Variants in EIF4G3 observed in about 807,000 individuals in gnomAD.
The protein encoded by EIF4G3 is eIF-4-gamma 3.
EIF4G3 carries 34 observed loss-of-function variants against 186.4 expected under a neutral mutation model. The ratio of observed to expected loss-of-function variants is 0.18; its 90% CI spans 0.14 to 0.24. The LOEUF (loss-of-function observed/expected upper bound fraction) is 0.24. Ranked by LOEUF, EIF4G3 falls within the 10% of genes least tolerant of loss-of-function variation. The pLI is 1.00. For synonymous variants in EIF4G3, 673 were observed against 679.5 expected, an observed-to-expected ratio of 0.99 and a Z score of 0.15; for missense variants, 1,536 against 1,948.5, an observed-to-expected ratio of 0.79 and a Z score of 3.99.
intron 2 of EIF4G3, among the ~76,000 whole-genome samples, chr1:21,136,648 TGTTA>T (rs1437586306): frequency 1.3e-5 from 2 of 152,232 alleles, no homozygotes; most frequent in African/African-American, 4.8e-5. Flanking sequence ...TACCCACACT[TGTTA>T]GTAGAGTAAC....
intron 4 of EIF4G3, among the ~76,000 whole-genome samples, chr1:21,046,559 G>A (rs1367605449): frequency 6.6e-6 from 1 of 152,040 alleles, no homozygotes; most frequent in African/African-American, 2.4e-5. Context: ...GTAGATTGAG[G>A]GTCAAACATT....
At chr1:21,030,437 T>C (rs4654896) in intron 4 of EIF4G3, among the ~76,000 whole-genome samples, 56,273 of 152,028 alleles carry the variant, frequency 0.37, 11,031 homozygotes, top group Non-Finnish European at 0.43. Context: ...CTGCCATCCA[T>C]GTAAGATGTG....
At chr1:20,880,970 G>C (rs999443488) in intron 19 of EIF4G3, among the ~76,000 whole-genome samples, 1 of 152,006 alleles carries the variant, frequency 6.6e-6, no homozygotes, top group African/African-American at 2.4e-5. Context: ...ACAAGGAGCT[G>C]ATTCTAAAAT....
rs373343482 is a variant in EIF4G3 at position 20,910,664 on chromosome 1, T to C, written c.1664-5693A>G. ...AATCCACATAAGGATAAAATTAAAC[T>C]GGTCAAGTTTCACATCTACTGTCAA... On this transcript the variant is annotated intron_variant, in intron 14 of 36. Coordinates refer to ENST00000602326, the MANE Select transcript of EIF4G3 (RefSeq NM_001391906.1). Among the ~76,000 whole-genome samples, 4 of 152,286 alleles carry C rather than the reference T, an allele frequency of 2.6e-5. No individual in the cohort carries two copies. The South Asian group carries it at 6.2e-4, about 24-fold the overall frequency.
chr1:20,815,709 T>C (rs1484214311), intron 34 of EIF4G3, among the ~76,000 whole-genome samples: 1 of 132,392 alleles, frequency 7.6e-6, no homozygotes, highest in African/African-American at 2.9e-5. Context: ...GGGGATCCTC[T>C]GCCCGGCCGC....
intron 32 of EIF4G3, 77 bp downstream of exon 32, chr1:20,827,540 T>G: frequency 2.3e-6 from 2 of 880,748 alleles, no homozygotes; most frequent in Non-Finnish European, 1.8e-6. Context: ...ACCTAAGCTA[T>G]TCACAGATAA....
intron 2 of EIF4G3, among the ~76,000 whole-genome samples, chr1:21,131,284 G>GT (rs1438918471): frequency 7.6e-5 from 11 of 145,068 alleles, no homozygotes; most frequent in Admixed American, 2.1e-4. Flanking sequence ...ACATTAAGAT[G>GT]TATCAACAGA....
At chr1:20,884,482 G>C (rs115762292) in intron 19 of EIF4G3, among the ~76,000 whole-genome samples, 2,587 of 152,314 alleles carry the variant, frequency 0.017, 83 homozygotes, top group African/African-American at 0.057. Flanking sequence ...CACTGTCAAT[G>C]ATGAAGATCC....
At chr1:20,817,647 C>G in intron 33 of EIF4G3, 109 bp from the exon 34 acceptor site, 1 of 423,488 alleles carries the variant, frequency 2.4e-6, no homozygotes, top group African/African-American at 2.1e-5. Flanking sequence ...TACATGGAAT[C>G]AAAATGATCA....
At chr1:20,906,075 T>G (rs994147248) in intron 14 of EIF4G3, among the ~76,000 whole-genome samples, 2 of 152,214 alleles carry the variant, frequency 1.3e-5, no homozygotes, top group Non-Finnish European at 2.9e-5. Context: ...TAAAAAATAC[T>G]CTGCATGTCT....
chr1:20,807,543 A>C (rs1045454530), intron 36 of EIF4G3, 43 bp from the exon 37 acceptor site: 2 of 1,453,868 alleles, frequency 1.4e-6, no homozygotes, highest in African/African-American at 2.8e-5. Flanking sequence ...GGGACACTGT[A>C]GTTATGAGGA....
chr1:20,822,324 G>A (rs2062595968), intron 33 of EIF4G3, among the ~76,000 whole-genome samples: 1 of 138,422 alleles, frequency 7.2e-6, no homozygotes, highest in Non-Finnish European at 1.6e-5. Flanking sequence ...CTGGCTAGAG[G>A]TTTATCACTT....
At chr1:21,066,178 A>G (rs966955929) in intron 3 of EIF4G3, among the ~76,000 whole-genome samples, 1 of 151,922 alleles carries the variant, frequency 6.6e-6, no homozygotes, top group African/African-American at 2.4e-5. Flanking sequence ...AAATAACTAA[A>G]TACTTGACAC....
At chr1:21,039,362 A>G (rs2093427419) in intron 4 of EIF4G3, among the ~76,000 whole-genome samples, 1 of 152,250 alleles carries the variant, frequency 6.6e-6, no homozygotes, top group Non-Finnish European at 1.5e-5. Flanking sequence ...TGAATCATAG[A>G]TCTAAATGTA....
chr1:21,175,908 G>A (rs2098093132), intron 2 of EIF4G3: 2 of 188,004 alleles, frequency 1.1e-5, no homozygotes, highest in Admixed American at 6.1e-5. Flanking sequence ...AGGGGAGAAG[G>A]GACCCCAAGC....
intron 12 of EIF4G3, among the ~76,000 whole-genome samples, chr1:20,953,347 C>G (rs533376406): frequency 1.3e-5 from 2 of 152,242 alleles, no homozygotes; most frequent in East Asian, 3.9e-4. Context: ...CACTTATAAA[C>G]TAGAGTGAAA....
chr1:20,862,218 T>G lies in EIF4G3; in HGVS notation c.3111+10A>C. The stretch of plus-strand genomic sequence containing the variant: ...CCAGCAGGCTTATTATTATTTTTTT[T>G]CCCACTCACCAGCCTTAGGTCTATA... On this transcript the variant is annotated intron_variant, in intron 23 of 36. Coordinates refer to ENST00000602326, the MANE Select transcript of EIF4G3 (RefSeq NM_001391906.1). 2 of 1,519,026 alleles carry G rather than the reference T, an allele frequency of 1.3e-6. No homozygotes were observed. The highest frequency in any genetic ancestry group is 1.8e-6 in the Non-Finnish European group (2 of 1,111,526). The allele number at this position is 1,519,026 out of a possible 1,614,324, so 94.1% of individuals were successfully genotyped here.
At chr1:20,872,404 T>G (rs2079472965) in intron 20 of EIF4G3, among the ~76,000 whole-genome samples, 1 of 152,190 alleles carries the variant, frequency 6.6e-6, no homozygotes, top group Admixed American at 6.5e-5. Flanking sequence ...ATTATTGGCA[T>G]GAGCCACCAC....
intron 19 of EIF4G3, among the ~76,000 whole-genome samples, chr1:20,881,363 T>C (rs1360843546): frequency 6.6e-6 from 1 of 152,198 alleles, no homozygotes; most frequent in Non-Finnish European, 1.5e-5. Flanking sequence ...ATGTGAAACC[T>C]AAAACTATAA....
Sources: allele counts gnomAD v4.1 joint callset (sites outside exome capture counted in the v4.1 genomes callset), GRCh38; gene constraint gnomAD v4.1.1; transcripts MANE v1.5; gene names NCBI Gene and HGNC (gene_info 2026-07-23, HGNC 2026-07-21).